PEPD: variants seen among roughly 807,000 people sequenced by gnomAD.
PEPD encodes xaa-Pro dipeptidase.
PEPD carries 53 observed loss-of-function variants against 60.7 expected under a neutral mutation model. That is an observed-to-expected ratio of 0.87 (90% confidence interval 0.70 to 1.10). The LOEUF is 1.10. Among genes scored for constraint, PEPD ranks in the 50% least tolerant of loss-of-function variants. The pLI is 0.00. For synonymous variants in PEPD, 267 were observed against 284.1 expected (o/e 0.94, Z 0.60); for missense variants, 711 against 711.9 (o/e 1.00, Z 0.01).
At chr19:33,498,206 C>T (rs1475430767) in intron 4 of PEPD, among the ~76,000 whole-genome samples, 1 of 152,176 alleles carries the variant, frequency 6.6e-6, no homozygotes, top group Non-Finnish European at 1.5e-5. Flanking sequence ...ACAGTAACAT[C>T]AACACCAATC....
chr19:33,469,248 C>A (rs73590274), intron 7 of PEPD, among the ~76,000 whole-genome samples: 2,693 of 152,330 alleles, frequency 0.018, 76 homozygotes, highest in African/African-American at 0.062. Flanking sequence ...CCTGTGCCCA[C>A]CCATCCCCAC....
At chr19:33,416,885 T>C (rs2145372082) in intron 9 of PEPD, among the ~76,000 whole-genome samples, 1 of 152,308 alleles carries the variant, frequency 6.6e-6, no homozygotes, top group East Asian at 1.9e-4. Flanking sequence ...CAGGCACATC[T>C]GTCAGTGCCA....
intron 9 of PEPD, among the ~76,000 whole-genome samples, chr19:33,439,406 A>G (rs1969441999): frequency 6.6e-6 from 1 of 152,238 alleles, no homozygotes; most frequent in East Asian, 1.9e-4. Flanking sequence ...CAGAGGGGCC[A>G]GACCTCAGGC....
At chr19:33,390,646 T>C (rs975604713) in intron 13 of PEPD, among the ~76,000 whole-genome samples, 1 of 151,998 alleles carries the variant, frequency 6.6e-6, no homozygotes, top group Non-Finnish European at 1.5e-5. Flanking sequence ...ACCTGCCCGG[T>C]TGGGCCTCCC....
At chr19:33,416,646 G>A (rs1301096293) in intron 9 of PEPD, among the ~76,000 whole-genome samples, 3 of 152,340 alleles carry the variant, frequency 2.0e-5, no homozygotes, top group South Asian at 2.1e-4. Context: ...AGAGGAGGCC[G>A]TGGTCTGCCT....
intron 9 of PEPD, among the ~76,000 whole-genome samples, chr19:33,430,750 C>T (rs1969253646): frequency 6.6e-6 from 1 of 152,098 alleles, no homozygotes; most frequent in African/African-American, 2.4e-5. Context: ...CCCCACTGGC[C>T]CCAGGGGGCT....
intron 5 of PEPD, among the ~76,000 whole-genome samples, chr19:33,491,944 A>T (rs1384643795): frequency 1.3e-5 from 2 of 152,002 alleles, no homozygotes; most frequent in Non-Finnish European, 2.9e-5. Context: ...AGGTCTTTGA[A>T]TAAATTTTGC....
At chr19:33,407,873 C>A (rs1968669505) in intron 11 of PEPD, among the ~76,000 whole-genome samples, 1 of 152,212 alleles carries the variant, frequency 6.6e-6, no homozygotes, top group Non-Finnish European at 1.5e-5. Flanking sequence ...CCGTCCCTCA[C>A]CCCTGCGTGC....
At chr19:33,431,547 T>C (rs1378078186) in intron 9 of PEPD, among the ~76,000 whole-genome samples, 1 of 152,204 alleles carries the variant, frequency 6.6e-6, no homozygotes, top group African/African-American at 2.4e-5. Context: ...CTCTCCTTTT[T>C]GCCACAGGGG....
chr19:33,465,088 G>A (rs753479268), intron 7 of PEPD, among the ~76,000 whole-genome samples: 2 of 152,146 alleles, frequency 1.3e-5, no homozygotes, highest in African/African-American at 2.4e-5. Context: ...TCATAGGTTT[G>A]CAGTGAGAAC....
chr19:33,459,717 G>A (rs1226135914), intron 9 of PEPD, among the ~76,000 whole-genome samples: 1 of 151,508 alleles, frequency 6.6e-6, no homozygotes, highest in African/African-American at 2.4e-5. Context: ...ACAAATCATA[G>A]ATAATAAAAC....
chr19:33,413,419 G>A (rs1295827001), intron 10 of PEPD, among the ~76,000 whole-genome samples, 156 bp downstream of exon 10: 2 of 152,220 alleles, frequency 1.3e-5, no homozygotes, highest in Middle Eastern at 3.2e-3. Flanking sequence ...GGAGTCTTGG[G>A]AGGGAGGAGC....
intron 6 of PEPD, among the ~76,000 whole-genome samples, chr19:33,484,142 A>G (rs1042109015): frequency 2.6e-5 from 4 of 152,160 alleles, no homozygotes; most frequent in Admixed American, 2.0e-4. Context: ...AGTCAACCTA[A>G]ATGTTGTGGA....
intron 9 of PEPD, among the ~76,000 whole-genome samples, chr19:33,436,171 G>GGGAGAAAGA (rs1282155591): frequency 7.2e-5 from 11 of 151,826 alleles, no homozygotes; most frequent in Middle Eastern, 3.4e-3. Flanking sequence ...AGGAAGGAGA[G>GGGAGAAAGA]GGAGAAAGAG....
At chr19:33,421,079 G>A (rs536715268) in intron 9 of PEPD, among the ~76,000 whole-genome samples, 3 of 152,322 alleles carry the variant, frequency 2.0e-5, no homozygotes, top group Admixed American at 6.5e-5. Flanking sequence ...GTGGGCCCCC[G>A]TGTGTTTCTC....
At chr19:33,457,324 G>A (rs1472834087) in intron 9 of PEPD, among the ~76,000 whole-genome samples, 1 of 152,098 alleles carries the variant, frequency 6.6e-6, no homozygotes, top group African/African-American at 2.4e-5. Context: ...CCAGTTATTT[G>A]GGGGGCTGAG....
rs375919385 is a variant in PEPD, at chr19:33,401,721, C to G, written c.967G>C (p.Gly323Arg). 6.2e-7 allele frequency: 1 copy of G among 1,606,584 alleles called. No individual in the cohort carries two copies. Among genetic ancestry groups the G allele is most frequent in the South Asian group, 1.1e-5 (1 of 89,866 alleles). ...CTCCCCCCACCGACCCGCTGCTCAC[C>G]TGGCTTCATGGCACCCATGACGGCA... Reference protein sequence around the residue: ...SRAVMGAMKPGVWWPDMHRLA... With the variant: ...SRAVMGAMKPRVWWPDMHRLA... Residue 323 changes from glycine (G) to arginine (R), a missense_variant and splice_region_variant, in exon 12 of 15, where the codon GGT (glycine) becomes CGT (arginine). Coordinates refer to ENST00000244137, the MANE Select transcript of PEPD (RefSeq NM_000285.4).
chr19:33,393,258 G>A (rs542523001), intron 12 of PEPD, among the ~76,000 whole-genome samples: 2 of 149,116 alleles, frequency 1.3e-5, no homozygotes, highest in Non-Finnish European at 3.0e-5. Context: ...GGTCTGGCGT[G>A]GGGGAGGGCC....
chr19:33,409,167 A>G (rs898247731), intron 11 of PEPD, among the ~76,000 whole-genome samples: 1 of 152,206 alleles, frequency 6.6e-6, no homozygotes, highest in Non-Finnish European at 1.5e-5. Flanking sequence ...GAGGGTCATA[A>G]AGGAGCAGTC....
Sources: gnomAD v4.1 joint callset for allele counts (sites outside exome capture counted in the v4.1 genomes callset) on GRCh38, gnomAD v4.1.1 for gene constraint, MANE v1.5 for transcripts, NCBI Gene and HGNC (gene_info 2026-07-23, HGNC 2026-07-21) for gene names.